The following FMN2 variants were observed in gnomAD, a reference collection of about 807,000 sequenced individuals.
FMN2 encodes the protein formin 2.
In FMN2, 51 loss-of-function variants were observed where a neutral mutation model predicts 142.3. The observed-to-expected ratio is 0.36, with a 90% CI of 0.29 to 0.45. The LOEUF is 0.45. Ranked by LOEUF, FMN2 falls within the 20% of genes least tolerant of loss-of-function variation. The probability of loss-of-function intolerance (pLI) is 1.00; values close to 1 mark genes in which losing one functional copy is unlikely to be tolerated. For synonymous variants in FMN2, 882 were observed against 869.8 expected (o/e 1.01, Z -0.25); for missense variants, 1,936 against 2,122.8 (o/e 0.91, Z 1.73).
At position 240,092,678 on chromosome 1, in the gene FMN2, C is replaced by A. The variant is rs1296506433; in HGVS notation, c.569C>A (p.Thr190Lys). The change falls in exon 1 of 18, where the codon ACG (threonine) becomes AAG (lysine). Residue 190 changes from threonine to lysine, a missense_variant. Physicochemically the swap from Thr to Lys is moderately conservative, Grantham distance 78. This residue lies in a region of FMN2 where 751 missense variants were observed against 791.8 expected (regional missense o/e 0.95). Transcript: ENST00000319653. ...DTDIYSFHSATEQEDLLSDIQ... is the reference protein window; with the variant it reads ...DTDIYSFHSAKEQEDLLSDIQ... ...GACATCTATAGCTTCCATTCGGCTA[C>A]GGAGCAAGAGGATTTGCTTTCAGAC... 6.2e-7 allele frequency: 1 copy of A among 1,613,980 alleles called. No homozygotes were observed. The highest frequency in any genetic ancestry group is 8.5e-7 in the Non-Finnish European group (1 of 1,180,014).
At chr1:240,253,427 C>A (rs934996961) in intron 6 of FMN2, among the ~76,000 whole-genome samples, 1 of 152,092 alleles carries the variant, frequency 6.6e-6, no homozygotes, top group Non-Finnish European at 1.5e-5. Context: ...TCTTCCATCC[C>A]AGAATTTCTG....
At chr1:240,188,120 T>C (rs1019744200) in intron 3 of FMN2, 87 bp from the exon 4 acceptor site, 2 of 1,296,754 alleles carry the variant, frequency 1.5e-6, no homozygotes, top group East Asian at 2.4e-5. Context: ...GTTAATGATA[T>C]ATTTTAGTGA....
intron 7 of FMN2, among the ~76,000 whole-genome samples, chr1:240,278,999 T>A (rs1423187485): frequency 2.0e-5 from 3 of 152,164 alleles, no homozygotes; most frequent in Non-Finnish European, 4.4e-5. Context: ...TTACTATTCA[T>A]AGAGCAACCT....
chr1:240,235,548 A>T (rs897662998), intron 6 of FMN2, among the ~76,000 whole-genome samples: 1 of 151,840 alleles, frequency 6.6e-6, no homozygotes, highest in Non-Finnish European at 1.5e-5. Flanking sequence ...AGTATCTGGG[A>T]TTATAGGTGC....
chr1:240,199,678 C>T (rs1232631222), intron 4 of FMN2, among the ~76,000 whole-genome samples: 1 of 152,098 alleles, frequency 6.6e-6, no homozygotes. Context: ...AATTATTGAG[C>T]CAACGTAGAT....
rs1365858812 is a variant in FMN2 at position 240,140,080 on chromosome 1, T to TGAA, written c.1782+16737_1782+16739dup. 2.0e-5 allele frequency among the ~76,000 whole-genome samples: 3 copies of TGAA among 152,182 alleles called. No homozygotes were observed. In the East Asian group the frequency reaches 5.8e-4, roughly 29 times the overall value. On this transcript the variant is annotated intron_variant, in intron 2 of 17. Transcript: ENST00000319653. ...GAGTGGTCTGCTGGCTAAGATTGCG[T>TGAA]GAAGGTGAGTGCTTGCATTGGCTTA...
chr1:240,374,723 C>T (rs1400190293), intron 14 of FMN2, among the ~76,000 whole-genome samples: 1 of 152,182 alleles, frequency 6.6e-6, no homozygotes, highest in African/African-American at 2.4e-5. Flanking sequence ...ATTTTTCCAT[C>T]AGCAATAATG....
At chr1:240,434,152 A>T (rs971157119) in intron 15 of FMN2, among the ~76,000 whole-genome samples, 1 of 152,206 alleles carries the variant, frequency 6.6e-6, no homozygotes, top group Non-Finnish European at 1.5e-5. Flanking sequence ...TATTATAATC[A>T]TGCATTTTTT....
intron 4 of FMN2, among the ~76,000 whole-genome samples, chr1:240,190,176 T>C (rs1428909237): frequency 6.6e-6 from 1 of 152,190 alleles, no homozygotes; most frequent in Non-Finnish European, 1.5e-5. Context: ...GAGTAGGTTA[T>C]TTAAAAACAC....
intron 1 of FMN2, among the ~76,000 whole-genome samples, chr1:240,122,254 T>G (rs1442516071): frequency 2.9e-5 from 4 of 137,912 alleles, no homozygotes; most frequent in Non-Finnish European, 5.9e-5. Flanking sequence ...CGGCTGGTTA[T>G]TTATTTATTT....
chr1:240,388,880 G>T (rs547768221), intron 14 of FMN2, among the ~76,000 whole-genome samples: 72 of 151,310 alleles, frequency 4.8e-4, no homozygotes, highest in Middle Eastern at 6.8e-3. Flanking sequence ...AAAAAAAAGG[G>T]GGGGGGTCAA....
chr1:240,188,428 A>G (rs1316089448), intron 4 of FMN2, among the ~76,000 whole-genome samples, 166 bp downstream of exon 4: 1 of 152,120 alleles, frequency 6.6e-6, no homozygotes, highest in Non-Finnish European at 1.5e-5. Context: ...GTTTTCTTCC[A>G]TTTATTTTTT....
chr1:240,361,656 A>C (rs556707193), intron 14 of FMN2, among the ~76,000 whole-genome samples: 1 of 152,202 alleles, frequency 6.6e-6, no homozygotes, highest in African/African-American at 2.4e-5. Context: ...ATAGACGGAA[A>C]GATTTGAATG....
intron 2 of FMN2, among the ~76,000 whole-genome samples, chr1:240,137,990 G>A (rs749670234): frequency 9.3e-5 from 14 of 150,812 alleles, no homozygotes; most frequent in African/African-American, 2.4e-4. Flanking sequence ...CCTTGAATCC[G>A]GGAGGCAGAG....
chr1:240,158,092 C>T (rs1307716616), intron 2 of FMN2, among the ~76,000 whole-genome samples: 2 of 151,962 alleles, frequency 1.3e-5, no homozygotes, highest in Non-Finnish European at 2.9e-5. Flanking sequence ...CTAAGAGCAT[C>T]CCCTAATCCC....
At chr1:240,234,974 T>C (rs529174734) in intron 6 of FMN2, among the ~76,000 whole-genome samples, 1 of 152,340 alleles carries the variant, frequency 6.6e-6, no homozygotes, top group African/African-American at 2.4e-5. Context: ...GGATCTGTAT[T>C]CTTTTCTGTA....
intron 8 of FMN2, among the ~76,000 whole-genome samples, chr1:240,328,149 A>C (rs1671241931): frequency 3.3e-5 from 2 of 61,356 alleles, no homozygotes; most frequent in African/African-American, 1.1e-4. Context: ...CCCCATCTCA[A>C]AAAAAAAAAA....
At chr1:240,147,158 A>C (rs1434735138) in intron 2 of FMN2, among the ~76,000 whole-genome samples, 1 of 152,174 alleles carries the variant, frequency 6.6e-6, no homozygotes, top group Non-Finnish European at 1.5e-5. Context: ...CTAAGTACTT[A>C]ACATGATCTC....
chr1:240,356,465 T>C (rs2103047588), intron 14 of FMN2, among the ~76,000 whole-genome samples: 1 of 152,284 alleles, frequency 6.6e-6, no homozygotes, highest in African/African-American at 2.4e-5. Context: ...TCATGGACTC[T>C]TCCTGCATTT....
Sources: allele counts gnomAD v4.1 joint callset (sites outside exome capture counted in the v4.1 genomes callset), GRCh38; gene constraint gnomAD v4.1.1; regional missense constraint gnomAD v4.1.1; transcripts MANE v1.5; gene names NCBI Gene and HGNC (gene_info 2026-07-23, HGNC 2026-07-21).